Variants in GALNT17 observed in about 807,000 individuals in gnomAD.
The protein encoded by GALNT17 is UDP-GalNAc:polypeptide N-acetylgalactosaminyltransferase-like 3.
In GALNT17, 29 loss-of-function variants were observed where a neutral mutation model predicts 63.7. The ratio of observed to expected loss-of-function variants is 0.46; its 90% CI spans 0.34 to 0.62. GALNT17 has a LOEUF of 0.62. Ranked by LOEUF, GALNT17 falls within the 20% of genes least tolerant of loss-of-function variation. The pLI is 0.01. For missense variants in GALNT17, 603 were observed against 799.6 expected (o/e 0.75, Z 2.97); for synonymous variants, 305 against 318.3 (o/e 0.96, Z 0.45).
intron 1 of GALNT17, among the ~76,000 whole-genome samples, chr7:71,228,912 T>TC (rs201996420): frequency 6.6e-6 from 1 of 151,982 alleles, no homozygotes; most frequent in East Asian, 1.9e-4. Flanking sequence ...CCTTTTTTTT[T>TC]CCCTCCTCGG....
At chr7:71,436,218 G>A (rs143878959) in intron 5 of GALNT17, among the ~76,000 whole-genome samples, 2 of 152,220 alleles carry the variant, frequency 1.3e-5, no homozygotes, top group Admixed American at 6.5e-5. Flanking sequence ...TTACATGGCT[G>A]TAGTCTCGGA....
intron 6 of GALNT17, among the ~76,000 whole-genome samples, chr7:71,641,203 GTCT>G (rs1790598117): frequency 6.6e-6 from 1 of 152,150 alleles, no homozygotes; most frequent in African/African-American, 2.4e-5. Context: ...GAAAAACAAA[GTCT>G]TCTTACACTT....
chr7:71,651,030 G>A (rs1457006725), intron 6 of GALNT17, among the ~76,000 whole-genome samples: 1 of 152,014 alleles, frequency 6.6e-6, no homozygotes, highest in Non-Finnish European at 1.5e-5. Flanking sequence ...CAGGCTGGGT[G>A]CTGGGAATAC....
chr7:71,515,211 G>C (rs1329227891), intron 5 of GALNT17, among the ~76,000 whole-genome samples: 2 of 152,128 alleles, frequency 1.3e-5, no homozygotes, highest in African/African-American at 4.8e-5. Flanking sequence ...GTTCACAAAG[G>C]ATACAAAGAG....
intron 1 of GALNT17, among the ~76,000 whole-genome samples, chr7:71,143,159 C>T (rs1017120438): frequency 6.6e-6 from 1 of 151,744 alleles, no homozygotes; most frequent in Non-Finnish European, 1.5e-5. Context: ...CAGTGGCTCA[C>T]GCCTGTAATC....
At chr7:71,711,832 CTT>C (rs1791797753) in intron 10 of GALNT17, among the ~76,000 whole-genome samples, 184 bp from the exon 11 acceptor site, 1 of 151,310 alleles carries the variant, frequency 6.6e-6, no homozygotes, top group African/African-American at 2.4e-5. Context: ...TCTCTTCCCT[CTT>C]TTTCTCTCTC....
chr7:71,270,953 A>G (rs1790577331), intron 1 of GALNT17, among the ~76,000 whole-genome samples: 4 of 151,632 alleles, frequency 2.6e-5, no homozygotes, highest in Admixed American at 2.6e-4. Flanking sequence ...AAAAAAAAGA[A>G]GAAAAGAAAA....
At position 71,415,906 on chromosome 7, in the gene GALNT17, C is replaced by T. The variant is rs771790744; in HGVS notation, c.607C>T (p.Leu203=). The T allele has an allele frequency of 1.9e-6, 3 of 1,610,070 alleles. No individual in the cohort carries two copies. In the Admixed American group the frequency reaches 5.0e-5, roughly 27 times the overall value. ...ATTTGCAGAGGAGCTGAAGGTCCCC[C>T]TAGAGGAGTATGTCCACAAACGCTA... is the stretch of plus-strand genomic sequence containing the variant. ...NSDEEELKVP[L]EEYVHKRYPG... The change falls in exon 4 of 11, where the codon CTA becomes TTA. Residue 203 remains leucine, a synonymous_variant. Transcript: ENST00000333538.
intron 1 of GALNT17, among the ~76,000 whole-genome samples, chr7:71,268,198 G>A (rs1025368902): frequency 6.6e-6 from 1 of 151,950 alleles, no homozygotes; most frequent in African/African-American, 2.4e-5. Context: ...CCCAACAGGA[G>A]GGACTCCTCC....
intron 5 of GALNT17, among the ~76,000 whole-genome samples, chr7:71,542,001 G>A (rs1788900733): frequency 6.6e-6 from 1 of 152,154 alleles, no homozygotes; most frequent in East Asian, 1.9e-4. Context: ...TTCATATAGA[G>A]CACTTGCTAA....
chr7:71,284,830 G>A (rs1193147533), intron 1 of GALNT17, among the ~76,000 whole-genome samples: 2 of 151,714 alleles, frequency 1.3e-5, no homozygotes, highest in African/African-American at 4.8e-5. Flanking sequence ...TTCAGTCCTT[G>A]GTGGAGATGC....
chr7:71,388,189 T>G, intron 2 of GALNT17, 46 bp from the exon 3 acceptor site: 2 of 1,593,500 alleles, frequency 1.3e-6, no homozygotes, highest in Non-Finnish European at 1.7e-6. Context: ...GTGCCTGAGC[T>G]TTTATCCTTC....
At chr7:71,470,654 C>T (rs1315907151) in intron 5 of GALNT17, among the ~76,000 whole-genome samples, 2 of 152,032 alleles carry the variant, frequency 1.3e-5, no homozygotes, top group Non-Finnish European at 2.9e-5. Flanking sequence ...GACCAGAGAA[C>T]GTGCTTAATT....
At chr7:71,301,166 AG>A (rs141183302) in intron 1 of GALNT17, among the ~76,000 whole-genome samples, 5,395 of 151,746 alleles carry the variant, frequency 0.036, 147 homozygotes, top group East Asian at 0.13. Context: ...TGCCGCCTGT[AG>A]TCCCAGCTAC....
chr7:71,674,725 C>T (rs1372989480), intron 8 of GALNT17, among the ~76,000 whole-genome samples: 2 of 152,142 alleles, frequency 1.3e-5, no homozygotes, highest in African/African-American at 4.8e-5. Context: ...CTATGTTGCC[C>T]AGGCTTGTCT....
At chr7:71,170,206 GA>G (rs1788521720) in intron 1 of GALNT17, among the ~76,000 whole-genome samples, 1 of 152,184 alleles carries the variant, frequency 6.6e-6, no homozygotes, top group Non-Finnish European at 1.5e-5. Context: ...ATGAATGAAT[GA>G]AAGTGAATGA....
At chr7:71,383,362 C>A (rs1042768570) in intron 2 of GALNT17, among the ~76,000 whole-genome samples, 1 of 152,188 alleles carries the variant, frequency 6.6e-6, no homozygotes, top group Admixed American at 6.5e-5. Flanking sequence ...TACTTTAAAT[C>A]ATCTCTAGAT....
intron 1 of GALNT17, among the ~76,000 whole-genome samples, chr7:71,298,033 T>G (rs1449298429): frequency 6.6e-6 from 1 of 152,208 alleles, no homozygotes; most frequent in Non-Finnish European, 1.5e-5. Flanking sequence ...TTTTCTTTTA[T>G]TTTTTGAGAT....
chr7:71,354,981 T>C (rs10224696), intron 2 of GALNT17, among the ~76,000 whole-genome samples: 1 of 152,128 alleles, frequency 6.6e-6, no homozygotes, highest in Non-Finnish European at 1.5e-5. Flanking sequence ...TTTATTTGTA[T>C]AGGGATCTGC....
Sources: gnomAD v4.1 joint callset for allele counts (sites outside exome capture counted in the v4.1 genomes callset) on GRCh38, gnomAD v4.1.1 for gene constraint, MANE v1.5 for transcripts, NCBI Gene and HGNC (gene_info 2026-07-23, HGNC 2026-07-21) for gene names.